C7: variants seen among roughly 807,000 people sequenced by gnomAD.
C7 encodes complement C7.
A neutral mutation model predicts 104.8 loss-of-function variants in C7; 83 were observed. That is an observed-to-expected ratio of 0.79 (90% CI 0.66 to 0.95). The LOEUF is 0.95. C7 is among the 40% of genes least tolerant of loss of function. The probability of loss-of-function intolerance (pLI) is 0.00; values close to 1 mark genes in which losing one functional copy is unlikely to be tolerated. For synonymous variants in C7, 415 were observed against 360.6 expected (o/e 1.15, Z -1.71); for missense variants, 1,070 against 1,011.2 (o/e 1.06, Z -0.79).
intron 1 of C7, among the ~76,000 whole-genome samples, chr5:40,915,176 G>T (rs919927553): frequency 2.0e-5 from 3 of 152,180 alleles, no homozygotes; most frequent in African/African-American, 7.2e-5. Context: ...GAGAGATAAA[G>T]AATCAGCAGT....
At chr5:40,972,664 ATGGTAC>A in intron 15 of C7, 70 bp downstream of exon 15, 1 of 1,256,746 alleles carries the variant, frequency 8.0e-7, no homozygotes, top group African/African-American at 1.5e-5. Flanking sequence ...GGCGACCTTC[ATGGTAC>A]TGTATCACCA....
chr5:40,965,649 T>TATATATATATA (rs1554043911), intron 14 of C7, among the ~76,000 whole-genome samples: 15 of 26,636 alleles, frequency 5.6e-4, no homozygotes, highest in South Asian at 3.6e-3. Context: ...TATATATATA[T>TATATATATATA]TTTTTTTTTG....
intron 9 of C7, among the ~76,000 whole-genome samples, chr5:40,950,433 C>G (rs1165735052): frequency 6.6e-6 from 1 of 152,234 alleles, no homozygotes; most frequent in Admixed American, 6.5e-5. Flanking sequence ...ATGCACCACA[C>G]TTTATCCAGT....
rs1740907119 is a variant in C7, at chr5:40,979,936, A to G, written c.2350+27A>G. 3.2e-6 allele frequency: 5 copies of G among 1,539,592 alleles called. No homozygotes were observed. The East Asian group carries it at 6.8e-5, about 21-fold the overall frequency. Reference sequence around the variant, plus strand: ...TAAGGGGCCTTTCATATTTGTAAGTATAAGAATGCTAAAGTCACAGTACTG... The same window carrying G: ...TAAGGGGCCTTTCATATTTGTAAGTGTAAGAATGCTAAAGTCACAGTACTG... On this transcript the variant is annotated intron_variant, in intron 17 of 17. Coordinates refer to ENST00000313164, the MANE Select transcript of C7 (RefSeq NM_000587.4).
At chr5:40,918,949 G>GACACACAC (rs138558983) in intron 1 of C7, among the ~76,000 whole-genome samples, 4,722 of 138,312 alleles carry the variant, frequency 0.034, 119 homozygotes, top group African/African-American at 0.054. Context: ...GAATCTAACA[G>GACACACAC]ACACACACAC....
chr5:40,925,209 C>A (rs1031857553), intron 1 of C7, among the ~76,000 whole-genome samples: 1 of 151,966 alleles, frequency 6.6e-6, no homozygotes, highest in South Asian at 2.1e-4. Flanking sequence ...GCAGCCAGAC[C>A]ACATCTTGAA....
At chr5:40,938,838 C>T (rs916536179) in intron 6 of C7, among the ~76,000 whole-genome samples, 5 of 152,122 alleles carry the variant, frequency 3.3e-5, no homozygotes, top group South Asian at 2.1e-4. Flanking sequence ...GGAAACTTTA[C>T]GGAAGATTTA....
At chr5:40,929,292 G>C (rs1005727504) in intron 2 of C7, among the ~76,000 whole-genome samples, 1 of 152,154 alleles carries the variant, frequency 6.6e-6, no homozygotes, top group African/African-American at 2.4e-5. Flanking sequence ...AGGGTGATGT[G>C]AGAGCACAGC....
rs781329115 is a variant in C7 at position 40,964,754 on chromosome 5, T to G, written c.1763T>G (p.Met588Arg). 6.2e-7 allele frequency: 1 copy of G among 1,613,274 alleles called. No individual in the cohort carries two copies. Among genetic ancestry groups the G allele is most frequent in the Non-Finnish European group, 8.5e-7 (1 of 1,179,336 alleles). The change falls in exon 14 of 18, where the codon ATG (methionine) becomes AGG (arginine). Residue 588 changes from methionine (M) to arginine (R), a missense_variant. Physicochemically the swap from Met to Arg is moderately conservative, Grantham distance 91 (BLOSUM62 -1). Transcript: ENST00000313164. Reference sequence around the variant, plus strand: ...ACTTTTGTTTAGGATGAAGGTACAATGTTTCCTGTGGGGAAAAATGTAGTG... The same window carrying G: ...ACTTTTGTTTAGGATGAAGGTACAAGGTTTCCTGTGGGGAAAAATGTAGTG... ...KDGFVQDEGT[M>R]FPVGKNVVYT...
intron 4 of C7, among the ~76,000 whole-genome samples, chr5:40,935,262 T>C (rs2111593425): frequency 6.6e-6 from 1 of 152,330 alleles, no homozygotes; most frequent in African/African-American, 2.4e-5. Context: ...CCATCTGTCA[T>C]TTGGATGATT....
Position 40,981,735 on chromosome 5 carries a change from C to A in C7, c.*162C>A. 2 of 557,788 alleles carry A rather than the reference C, an allele frequency of 3.6e-6. No individual in the cohort carries two copies. Among genetic ancestry groups the A allele is most frequent in the African/African-American group, 1.9e-5 (1 of 53,574 alleles). 34.6% of individuals were successfully genotyped at this position (557,788 alleles called of 1,614,324 possible). ...TGTATAAACACAATCCTTTGTTCTC[C>A]CAAATCTGAATCGAATTACTCTTTT... On this transcript the variant is annotated 3_prime_UTR_variant, in exon 18 of 18. Coordinates refer to ENST00000313164, the MANE Select transcript of C7 (RefSeq NM_000587.4).
At chr5:40,962,572 T>G (rs996864746) in intron 13 of C7, among the ~76,000 whole-genome samples, 3 of 152,204 alleles carry the variant, frequency 2.0e-5, no homozygotes, top group African/African-American at 7.2e-5. Context: ...GGATGAAGTA[T>G]TAGGTTTATT....
chr5:40,926,766 T>C (rs1374278703), intron 1 of C7, among the ~76,000 whole-genome samples: 1 of 152,044 alleles, frequency 6.6e-6, no homozygotes, highest in Non-Finnish European at 1.5e-5. Context: ...CATAAACAAA[T>C]GGAAAGGTAT....
chr5:40,972,912 G>A (rs1331319300), intron 15 of C7, among the ~76,000 whole-genome samples: 5 of 152,082 alleles, frequency 3.3e-5, no homozygotes. Flanking sequence ...TTGTTTGTTT[G>A]TTTGTTTCCT....
chr5:40,931,990 T>C lies in C7; in HGVS notation c.138+851T>C, dbSNP rs189127077. 1.2e-4 allele frequency among the ~76,000 whole-genome samples: 18 copies of C among 152,258 alleles called. No individual in the cohort carries two copies. The East Asian group carries it at 3.3e-3, about 28-fold the overall frequency. On this transcript the variant is annotated intron_variant, in intron 3 of 17. Transcript: ENST00000313164. ...GGCCAGGATGGTCTCGATCTCTTGA[T>C]CTCGTGATCCACCTGCCTCGGCCTT...
chr5:40,936,847 A>G (rs868513108), intron 5 of C7, among the ~76,000 whole-genome samples: 3 of 152,168 alleles, frequency 2.0e-5, no homozygotes, highest in Non-Finnish European at 4.4e-5. Context: ...TATTCAAGAG[A>G]ATGAAGAGAC....
In C7 at chr5:40,936,486, G is replaced by A. The variant is rs1561243383; in HGVS notation, c.428+1G>A. Reference sequence around the variant, plus strand: ...CTAACATAGAACTTACTGGAAATGGGTAAGGTGCTGGGCAGCCTCCTGAGT... The same window carrying A: ...CTAACATAGAACTTACTGGAAATGGATAAGGTGCTGGGCAGCCTCCTGAGT... On this transcript the variant is annotated splice_donor_variant, in intron 5 of 17. Coordinates refer to ENST00000313164, the MANE Select transcript of C7 (RefSeq NM_000587.4). LOFTEE classifies it high-confidence loss of function. The A allele has an allele frequency of 1.9e-6, 3 of 1,612,506 alleles. No homozygotes were observed. Among genetic ancestry groups the A allele is most frequent in the South Asian group, 2.2e-5 (2 of 90,870 alleles).
At chr5:40,978,140 G>GAAAAAAAAAAAAAAAAAAAAAAAAAAAA (rs869311131) in intron 16 of C7, among the ~76,000 whole-genome samples, 1 of 107,634 alleles carries the variant, frequency 9.3e-6, no homozygotes, top group African/African-American at 3.7e-5. Context: ...ATCTCAAAAA[G>GAAAAAAAAAAAAAAAAAAAAAAAAAAAA]AAAAAAAAAA....
chr5:40,933,583 C>T lies in C7; in HGVS notation c.139-742C>T, dbSNP rs1469668916. The stretch of plus-strand genomic sequence containing the variant: ...TTTCCCTCAAGAGGTTTGTATTTTA[C>T]GTATTCCTTTGTAGATGTAGCTTCA... On this transcript the variant is annotated intron_variant, in intron 3 of 17. Coordinates refer to ENST00000313164, the MANE Select transcript of C7 (RefSeq NM_000587.4). 9.2e-5 allele frequency among the ~76,000 whole-genome samples: 14 copies of T among 152,258 alleles called. No individual in the cohort carries two copies. The East Asian group carries it at 1.2e-3, about 13-fold the overall frequency.
Sources: allele counts gnomAD v4.1 joint callset (sites outside exome capture counted in the v4.1 genomes callset), GRCh38; gene constraint gnomAD v4.1.1; transcripts MANE v1.5; gene names NCBI Gene and HGNC (gene_info 2026-07-23, HGNC 2026-07-21).